The following ABLIM3 variants were observed in gnomAD, a reference collection of about 807,000 sequenced individuals.
The protein encoded by ABLIM3 is actin-binding LIM protein 3.
In ABLIM3, 61 loss-of-function variants were observed where a neutral mutation model predicts 109.5. The ratio of observed to expected loss-of-function variants is 0.56; its 90% CI spans 0.45 to 0.69. The LOEUF (loss-of-function observed/expected upper bound fraction) is 0.69, where lower values mean the gene tolerates loss of function less well. ABLIM3 is among the 30% of genes least tolerant of loss of function. The pLI is 0.00. For synonymous variants in ABLIM3, 300 were observed against 324.8 expected, an observed-to-expected ratio of 0.92 and a Z score of 0.82; for missense variants, 796 against 889.5, an observed-to-expected ratio of 0.89 and a Z score of 1.34.
At chr5:149,191,498 A>G (rs955472144) in intron 3 of ABLIM3, among the ~76,000 whole-genome samples, 10 of 152,198 alleles carry the variant, frequency 6.6e-5, no homozygotes, top group African/African-American at 2.4e-4. Flanking sequence ...CAAAACATTC[A>G]AAAACAAATC....
intron 12 of ABLIM3, 85 bp from the exon 13 acceptor site, chr5:149,239,674 T>C: frequency 1.3e-6 from 2 of 1,494,228 alleles, no homozygotes; most frequent in South Asian, 1.4e-5. Flanking sequence ...CCAGATTCCA[T>C]GTCATGCCCA....
At chr5:149,191,914 G>A (rs1257041285) in intron 3 of ABLIM3, among the ~76,000 whole-genome samples, 1 of 152,318 alleles carries the variant, frequency 6.6e-6, no homozygotes, top group East Asian at 1.9e-4. Context: ...CTGGAGTGCA[G>A]TGGCACGATC....
chr5:149,197,700 AG>A lies in ABLIM3; in HGVS notation c.152-517del, dbSNP rs530569387. ...TCACCTGGCACAGAATCATGCACAT[AG>A]GAAGTACCCAGGAAATGTTTAACTG... is the stretch of plus-strand genomic sequence containing the variant. On this transcript the variant is annotated intron_variant, in intron 3 of 23. Coordinates refer to ENST00000309868, the MANE Select transcript of ABLIM3 (RefSeq NM_014945.5). Among the ~76,000 whole-genome samples the A allele has an allele frequency of 5.9e-3, 901 of 152,316 alleles. 8 individuals are homozygous for A. Among genetic ancestry groups the A allele is most frequent in the Non-Finnish European group, 9.5e-3 (644 of 68,024 alleles).
intron 2 of ABLIM3, among the ~76,000 whole-genome samples, chr5:149,146,049 T>C (rs1752896439): frequency 6.6e-6 from 1 of 152,208 alleles, no homozygotes; most frequent in African/African-American, 2.4e-5. Context: ...CCTAAAGTTC[T>C]GGGATTATAG....
rs1053259398 is a variant in ABLIM3 at position 149,259,757 on chromosome 5, G to A, written c.*1353G>A. 14 of 669,650 alleles carry A rather than the reference G, an allele frequency of 2.1e-5. No individual in the cohort carries two copies. The East Asian group carries it at 3.6e-4, about 17-fold the overall frequency. The allele number at this position is 669,650 out of a possible 1,614,324, so 41.5% of individuals were successfully genotyped here. A position where few individuals can be genotyped will look rare whatever the true frequency, so the allele number is the denominator to read the frequency against. ...CTGTTCCTTCTTGGAGAAGCCTTGA[G>A]TCGGACCATTTTGAGATCATGGAGG... On this transcript the variant is annotated 3_prime_UTR_variant, in exon 24 of 24. Coordinates refer to ENST00000309868, the MANE Select transcript of ABLIM3 (RefSeq NM_014945.5).
intron 6 of ABLIM3, 75 bp from the exon 7 acceptor site, chr5:149,210,651 C>A: frequency 1.5e-6 from 2 of 1,293,476 alleles, no homozygotes; most frequent in South Asian, 1.2e-5. Context: ...GGCTGCAGGT[C>A]CAGAATCTAA....
chr5:149,235,856 G>C (rs1218386436), intron 10 of ABLIM3, among the ~76,000 whole-genome samples: 1 of 152,200 alleles, frequency 6.6e-6, no homozygotes, highest in African/African-American at 2.4e-5. Context: ...GCAGGGTTAA[G>C]TGGACCCACA....
At chr5:149,154,135 G>A (rs773072626) in intron 2 of ABLIM3, among the ~76,000 whole-genome samples, 2 of 152,196 alleles carry the variant, frequency 1.3e-5, no homozygotes, top group Admixed American at 6.5e-5. Flanking sequence ...ACTCTATCAA[G>A]TGCCAATCTT....
intron 12 of ABLIM3, 31 bp from the exon 13 acceptor site, chr5:149,239,728 G>A: frequency 6.4e-7 from 1 of 1,560,012 alleles, no homozygotes; most frequent in Non-Finnish European, 8.7e-7. Flanking sequence ...TTAACAGCCA[G>A]CCATGCTCAC....
At chr5:149,248,685 C>T (rs1387625633) in intron 18 of ABLIM3, among the ~76,000 whole-genome samples, 1 of 108,054 alleles carries the variant, frequency 9.3e-6, no homozygotes. Context: ...GCGAGACTCT[C>T]TCTCAAAAAA....
chr5:149,175,385 G>T (rs890415351), intron 2 of ABLIM3, among the ~76,000 whole-genome samples: 8 of 152,194 alleles, frequency 5.3e-5, no homozygotes, highest in Admixed American at 5.2e-4. Context: ...TAGAAGAACA[G>T]AAGGATTTAT....
chr5:149,176,493 G>T (rs4613692), intron 2 of ABLIM3, among the ~76,000 whole-genome samples: 46,487 of 151,876 alleles, frequency 0.31, 7,413 homozygotes, highest in East Asian at 0.51. Flanking sequence ...TAAGAGCCCG[G>T]GTTTGAAAGT....
chr5:149,170,228 TTCTCTCTC>T (rs10644957), intron 2 of ABLIM3, among the ~76,000 whole-genome samples: 41 of 124,660 alleles, frequency 3.3e-4, no homozygotes, highest in Middle Eastern at 4.3e-3. Context: ...AGGGTTCTGT[TTCTCTCTC>T]TCTCTCTCTC....
At chr5:149,220,863 C>T (rs1760576841) in intron 8 of ABLIM3, 1 of 152,210 alleles carries the variant, frequency 6.6e-6, no homozygotes, top group Admixed American at 6.5e-5. Flanking sequence ...ACGCTATGTG[C>T]CAGGCTCTCT....
At chr5:149,225,633 GAGATTTT>G (rs1367978771) in intron 8 of ABLIM3, among the ~76,000 whole-genome samples, 2 of 152,064 alleles carry the variant, frequency 1.3e-5, no homozygotes, top group East Asian at 3.9e-4. Context: ...GACGTTTTGT[GAGATTTT>G]AGTGCACCCA....
intron 2 of ABLIM3, among the ~76,000 whole-genome samples, chr5:149,149,745 G>A (rs1451983077): frequency 2.0e-5 from 3 of 152,214 alleles, no homozygotes; most frequent in African/African-American, 7.2e-5. Flanking sequence ...GGTCTTGGCA[G>A]AGAACAGATT....
intron 11 of ABLIM3, among the ~76,000 whole-genome samples, 162 bp downstream of exon 11, chr5:149,237,765 A>T (rs1257519377): frequency 6.6e-6 from 1 of 152,136 alleles, no homozygotes; most frequent in Non-Finnish European, 1.5e-5. Context: ...AAGAGATTTC[A>T]TTTGGCTTTC....
chr5:149,147,721 T>C (rs1753063022), intron 2 of ABLIM3, among the ~76,000 whole-genome samples: 1 of 152,234 alleles, frequency 6.6e-6, no homozygotes. Flanking sequence ...GTGCAGGCCC[T>C]GGAATCAGAC....
chr5:149,234,703 T>C (rs1762177542), intron 10 of ABLIM3, among the ~76,000 whole-genome samples: 1 of 152,212 alleles, frequency 6.6e-6, no homozygotes, highest in African/African-American at 2.4e-5. Context: ...GCAAGAAAGG[T>C]AATAGTCTCC....
Sources: allele counts gnomAD v4.1 joint callset (sites outside exome capture counted in the v4.1 genomes callset), GRCh38; gene constraint gnomAD v4.1.1; transcripts MANE v1.5; gene names NCBI Gene and HGNC (gene_info 2026-07-23, HGNC 2026-07-21).